PLCB1: variants seen among roughly 807,000 people sequenced by gnomAD.
PLCB1 encodes 1-phosphatidylinositol 4,5-bisphosphate phosphodiesterase beta-1.
Under a neutral mutation model 161.8 loss-of-function variants are expected in PLCB1, and 46 were observed. The ratio of observed to expected loss-of-function variants is 0.28; its 90% CI spans 0.22 to 0.36. PLCB1 has a LOEUF of 0.36. PLCB1 is among the 10% of genes least tolerant of loss of function. The pLI, the probability that PLCB1 is intolerant of heterozygous loss-of-function variation, is 1.00. For synonymous variants in PLCB1, 517 were observed against 503.7 expected, an observed-to-expected ratio of 1.03 and a Z score of -0.35; for missense variants, 1,016 against 1,472.5, an observed-to-expected ratio of 0.69 and a Z score of 5.07.
intron 2 of PLCB1, among the ~76,000 whole-genome samples, chr20:8,235,192 T>A (rs73897363): frequency 0.012 from 1,880 of 152,208 alleles, 38 homozygotes; most frequent in African/African-American, 0.042. Flanking sequence ...TTTAGAGATA[T>A]ATGTGGAGCT....
At chr20:8,491,030 C>T (rs1438550261) in intron 3 of PLCB1, among the ~76,000 whole-genome samples, 1 of 151,392 alleles carries the variant, frequency 6.6e-6, no homozygotes, top group East Asian at 1.9e-4. Context: ...CTTATAACAC[C>T]GTCTTTCAAA....
At chr20:8,843,567 C>T (rs189935343) in intron 31 of PLCB1, among the ~76,000 whole-genome samples, 9 of 151,886 alleles carry the variant, frequency 5.9e-5, no homozygotes, top group African/African-American at 9.7e-5. Context: ...TTCATTTTTA[C>T]GTTGTAGGTA....
chr20:8,606,606 T>G (rs1384796542), intron 3 of PLCB1, among the ~76,000 whole-genome samples: 2 of 152,232 alleles, frequency 1.3e-5, no homozygotes, highest in Non-Finnish European at 2.9e-5. Context: ...AGTGTCTTTT[T>G]TAGGATATTT....
At chr20:8,428,927 A>G (rs1568672168) in intron 3 of PLCB1, among the ~76,000 whole-genome samples, 1 of 152,206 alleles carries the variant, frequency 6.6e-6, no homozygotes, top group African/African-American at 2.4e-5. Context: ...CATGGCAGTT[A>G]ATATGGAATC....
intron 2 of PLCB1, among the ~76,000 whole-genome samples, chr20:8,324,210 G>GTGTC (rs918003957): frequency 7.3e-5 from 6 of 82,316 alleles, no homozygotes; most frequent in African/African-American, 2.8e-4. Flanking sequence ...GTGTGTGTGT[G>GTGTC]TGTGTGTGTG....
chr20:8,451,858 CTTCT>C (rs914499246), intron 3 of PLCB1, among the ~76,000 whole-genome samples: 25 of 151,430 alleles, frequency 1.7e-4, no homozygotes, highest in Middle Eastern at 6.8e-3. Flanking sequence ...TCTCCCTCTT[CTTCT>C]TTCTTCCCTC....
chr20:8,620,612 C>T (rs935103559), intron 3 of PLCB1, among the ~76,000 whole-genome samples: 1 of 151,732 alleles, frequency 6.6e-6, no homozygotes, highest in African/African-American at 2.4e-5. Flanking sequence ...TGGTGGTGTG[C>T]ACCTGTGGTC....
At chr20:8,817,542 G>A (rs188957923) in intron 31 of PLCB1, among the ~76,000 whole-genome samples, 17 of 152,256 alleles carry the variant, frequency 1.1e-4, no homozygotes, top group Admixed American at 2.0e-4. Flanking sequence ...CTCCAAACTG[G>A]AAAATTTCAG....
At chr20:8,849,877 C>G (rs6086646) in intron 31 of PLCB1, among the ~76,000 whole-genome samples, 1 of 149,072 alleles carries the variant, frequency 6.7e-6, no homozygotes, top group East Asian at 2.0e-4. Flanking sequence ...GCTGGGCATG[C>G]TGGTGCAGGC....
Position 8,625,207 on chromosome 20 carries a change from C to T in PLCB1, c.247-3087C>T, listed in dbSNP as rs537927980. ...TCTGTTTTCATCAAATTCCTTCTAC[C>T]TATAAAGTCCTCTAAAAACTTGATG... On this transcript the variant is annotated intron_variant, in intron 3 of 31. Transcript: ENST00000338037. 5 of 152,268 alleles carry T rather than the reference C, an allele frequency of 3.3e-5. No homozygotes were observed. The South Asian group carries it at 1.0e-3, about 32-fold the overall frequency. The allele number at this position is 152,268 out of a possible 1,614,324, so 9.4% of individuals were successfully genotyped here.
intron 4 of PLCB1, among the ~76,000 whole-genome samples, chr20:8,633,400 A>T (rs1375313191): frequency 6.6e-6 from 1 of 152,170 alleles, no homozygotes; most frequent in African/African-American, 2.4e-5. Flanking sequence ...TTGAGTAGGT[A>T]GTTGGATATA....
At chr20:8,485,473 G>T (rs557989064) in intron 3 of PLCB1, among the ~76,000 whole-genome samples, 1 of 152,302 alleles carries the variant, frequency 6.6e-6, no homozygotes, top group East Asian at 1.9e-4. Flanking sequence ...ACAGAAGAAG[G>T]TCCCTATACA....
intron 9 of PLCB1, among the ~76,000 whole-genome samples, chr20:8,678,178 A>C (rs1435469979): frequency 1.3e-5 from 2 of 152,188 alleles, no homozygotes; most frequent in African/African-American, 4.8e-5. Context: ...AATTTTAAAA[A>C]ATTGTGCATG....
intron 2 of PLCB1, among the ~76,000 whole-genome samples, chr20:8,210,752 C>T (rs1359906440): frequency 6.6e-6 from 1 of 152,044 alleles, no homozygotes; most frequent in Non-Finnish European, 1.5e-5. Context: ...TACATATAAT[C>T]TAATTGGAGA....
chr20:8,857,948 A>G (rs1416231936), intron 31 of PLCB1, among the ~76,000 whole-genome samples: 1 of 152,150 alleles, frequency 6.6e-6, no homozygotes, highest in Non-Finnish European at 1.5e-5. Flanking sequence ...ATTACTTCAT[A>G]ACAATTCTTT....
At chr20:8,368,613 T>C (rs1402492092) in intron 2 of PLCB1, among the ~76,000 whole-genome samples, 1 of 150,482 alleles carries the variant, frequency 6.6e-6, no homozygotes, top group East Asian at 2.0e-4. Flanking sequence ...GTGTGAGAGA[T>C]ATATTTTTAT....
chr20:8,290,280 A>T (rs1983324495), intron 2 of PLCB1, among the ~76,000 whole-genome samples: 1 of 152,216 alleles, frequency 6.6e-6, no homozygotes, highest in Non-Finnish European at 1.5e-5. Flanking sequence ...AGATTCCGAG[A>T]CAAGGACTCT....
chr20:8,289,958 A>G (rs975505067), intron 2 of PLCB1, among the ~76,000 whole-genome samples: 3 of 152,182 alleles, frequency 2.0e-5, no homozygotes, highest in Non-Finnish European at 4.4e-5. Context: ...ATCTTTTGTA[A>G]TATTTCAACA....
intron 2 of PLCB1, among the ~76,000 whole-genome samples, chr20:8,359,313 T>C (rs967050749): frequency 1.3e-5 from 2 of 152,206 alleles, no homozygotes; most frequent in African/African-American, 2.4e-5. Context: ...ATTATGTTTA[T>C]CAACTTTGGA....
Sources: allele counts gnomAD v4.1 joint callset (sites outside exome capture counted in the v4.1 genomes callset), GRCh38; gene constraint gnomAD v4.1.1; transcripts MANE v1.5; gene names NCBI Gene and HGNC (gene_info 2026-07-23, HGNC 2026-07-21).